FGF9: variants seen among roughly 807,000 people sequenced by gnomAD.
The protein encoded by FGF9 is fibroblast growth factor 9 (glia-activating factor).
Under a neutral mutation model 19.9 loss-of-function variants are expected in FGF9, and 3 were observed. The ratio of observed to expected loss-of-function variants is 0.15; its 90% confidence interval spans 0.07 to 0.39. The LOEUF is 0.39. Ranked by LOEUF, FGF9 falls within the 10% of genes least tolerant of loss-of-function variation. The pLI is 1.00. For missense variants in FGF9, 175 were observed against 256.8 expected, an observed-to-expected ratio of 0.68 and a Z score of 2.18; for synonymous variants, 107 against 106.9, an observed-to-expected ratio of 1.00 and a Z score of -0.01.
In FGF9 at chr13:21,703,680, G is replaced by T. The variant is rs978419804; in HGVS notation, c.*2245G>T. 3.3e-5 allele frequency: 5 copies of T among 151,922 alleles called. No individual in the cohort carries two copies. Among genetic ancestry groups the T allele is most frequent in the African/African-American group, 1.2e-4 (5 of 41,360 alleles). 9.4% of individuals were successfully genotyped at this position (151,922 alleles called of 1,614,324 possible). On this transcript the variant is annotated 3_prime_UTR_variant, in exon 3 of 3. Transcript: ENST00000382353. ...ATATTAAACATTTGACCACAGGGAA[G>T]AATCAAGTTTCTAGGATGTCATAGG...
At position 21,671,683 on chromosome 13, in the gene FGF9, A is replaced by G. The variant is rs1871770082; in HGVS notation, c.-230A>G. 1.6e-6 allele frequency: 1 copy of G among 613,666 alleles called. No individual in the cohort carries two copies. The highest frequency in any genetic ancestry group is 2.9e-6 in the Non-Finnish European group (1 of 346,922). The allele number at this position is 613,666 out of a possible 1,614,324, so 38.0% of individuals were successfully genotyped here. A position where few individuals can be genotyped will look rare whatever the true frequency, so the allele number is the denominator to read the frequency against. Reference sequence around the variant, plus strand: ...TTTATCAATATGTCAGTGTGTGAGTATAAAGTGGTGGTTTCTTAGACTATC... The same window carrying G: ...TTTATCAATATGTCAGTGTGTGAGTGTAAAGTGGTGGTTTCTTAGACTATC... On this transcript the variant is annotated 5_prime_UTR_variant, in exon 1 of 3. Transcript: ENST00000382353.
intron 2 of FGF9, 124 bp downstream of exon 2, chr13:21,681,269 T>C (rs1028726490): frequency 2.5e-5 from 19 of 751,118 alleles, no homozygotes; most frequent in Non-Finnish European, 4.1e-5. Flanking sequence ...TGTAAGTTTT[T>C]ACTTTTTGAG....
intron 1 of FGF9, among the ~76,000 whole-genome samples, chr13:21,679,680 T>C (rs1871993686): frequency 6.6e-6 from 1 of 151,092 alleles, no homozygotes; most frequent in African/African-American, 2.4e-5. Flanking sequence ...AGCTCACGCC[T>C]GTAATCCCAG....
At chr13:21,685,392 G>C (rs1002485211) in intron 2 of FGF9, among the ~76,000 whole-genome samples, 6 of 152,156 alleles carry the variant, frequency 3.9e-5, no homozygotes, top group African/African-American at 1.4e-4. Context: ...TTTACCTTGA[G>C]AGTAGATCTA....
intron 2 of FGF9, among the ~76,000 whole-genome samples, chr13:21,689,529 T>C (rs1399646681): frequency 6.6e-6 from 1 of 152,148 alleles, no homozygotes; most frequent in Non-Finnish European, 1.5e-5. Flanking sequence ...ATTTGAGAGC[T>C]GGAGGAGTTG....
chr13:21,683,448 G>T (rs1872088610), intron 2 of FGF9, among the ~76,000 whole-genome samples: 1 of 152,182 alleles, frequency 6.6e-6, no homozygotes, highest in African/African-American at 2.4e-5. Flanking sequence ...TTTCTGGGAA[G>T]CCCAGCTGTC....
At chr13:21,673,806 C>T (rs557577402) in intron 1 of FGF9, among the ~76,000 whole-genome samples, 1 of 151,026 alleles carries the variant, frequency 6.6e-6, no homozygotes, top group Admixed American at 6.6e-5. Context: ...GTGTGCCAGG[C>T]GGCCGGAGCT....
chr13:21,671,631 A>T lies in FGF9; in HGVS notation c.-282A>T, dbSNP rs1345209515. The T allele has an allele frequency of 7.1e-6, 4 of 560,260 alleles. No homozygotes were observed. In the East Asian group the frequency reaches 1.1e-4, roughly 16 times the overall value. The allele number at this position is 560,260 out of a possible 1,614,324, so 34.7% of individuals were successfully genotyped here. On this transcript the variant is annotated 5_prime_UTR_variant, in exon 1 of 3. Transcript: ENST00000382353. ...CCTTCCTGCCTGCTAAGAGCTGGGG[A>T]TCTATCTATAGAGATACATAGATAT...
intron 2 of FGF9, among the ~76,000 whole-genome samples, chr13:21,697,830 G>A (rs1008819995): frequency 1.4e-4 from 20 of 146,312 alleles, no homozygotes; most frequent in African/African-American, 4.4e-4. Flanking sequence ...TTTTTGAGAC[G>A]GAGTCTCTCT....
chr13:21,685,178 A>G (rs1479587604), intron 2 of FGF9, among the ~76,000 whole-genome samples: 1 of 152,282 alleles, frequency 6.6e-6, no homozygotes, highest in Non-Finnish European at 1.5e-5. Context: ...CATGAAGCTC[A>G]GTAAACTAAA....
In FGF9 at chr13:21,701,283, G is replaced by A. The variant is rs1249806783; in HGVS notation, c.475G>A (p.Gly159Arg). ...SSNLYKHVDT[G>R]RRYYVALNKD... ...AAACCTATATAAGCACGTGGACACT[G>A]GAAGGCGATACTATGTTGCATTAAA... is the stretch of plus-strand genomic sequence containing the variant. Residue 159 changes from glycine (G) to arginine (R), a missense_variant, in exon 3 of 3, where the codon GGA becomes AGA. Physicochemically the swap from Gly to Arg is moderately radical, Grantham distance 125. Coordinates refer to ENST00000382353, the MANE Select transcript of FGF9 (RefSeq NM_002010.3). 6.2e-7 allele frequency: 1 copy of A among 1,614,032 alleles called. No individual in the cohort carries two copies. Among genetic ancestry groups the A allele is most frequent in the Non-Finnish European group, 8.5e-7 (1 of 1,179,978 alleles).
At chr13:21,686,003 G>A (rs759353076) in intron 2 of FGF9, among the ~76,000 whole-genome samples, 2 of 152,136 alleles carry the variant, frequency 1.3e-5, no homozygotes, top group Non-Finnish European at 2.9e-5. Context: ...TAGAGGCATG[G>A]CTCTGATAAT....
rs1871764170 is a variant in FGF9 at position 21,671,440 on chromosome 13, G to T, written c.-473G>T. 4.7e-6 allele frequency: 2 copies of T among 421,882 alleles called. No individual in the cohort carries two copies. The highest frequency in any genetic ancestry group is 8.3e-6 in the Non-Finnish European group (2 of 240,084). The allele number at this position is 421,882 out of a possible 1,614,324, so 26.1% of individuals were successfully genotyped here. ...GAGTCGGTTAGAGAGTAAAAACAGC[G>T]CATGCCTTCCTGGAGTCAGGATCCG... is the stretch of plus-strand genomic sequence containing the variant. On this transcript the variant is annotated 5_prime_UTR_variant, in exon 1 of 3. Transcript: ENST00000382353.
chr13:21,695,618 A>C (rs1023558572), intron 2 of FGF9, among the ~76,000 whole-genome samples: 2 of 152,186 alleles, frequency 1.3e-5, no homozygotes, highest in Non-Finnish European at 2.9e-5. Flanking sequence ...TCCTTTAGTC[A>C]TTATATTTAA....
At chr13:21,694,024 T>G (rs1327733159) in intron 2 of FGF9, among the ~76,000 whole-genome samples, 3 of 152,182 alleles carry the variant, frequency 2.0e-5, no homozygotes, top group African/African-American at 7.2e-5. Flanking sequence ...TGTGGATAAC[T>G]TTGCTTTCCA....
Position 21,698,050 on chromosome 13 carries a change from C to T in FGF9, c.382-3140C>T, listed in dbSNP as rs376116252. 7.5e-4 allele frequency among the ~76,000 whole-genome samples: 114 copies of T among 152,212 alleles called. No individual in the cohort carries two copies. In the East Asian group the frequency reaches 0.02, roughly 26 times the overall value. ...GTCTCGATCTCCTGACCTCGTGATCCGCCCGCCTCGGCCTCCCAAAGTGCT... is the reference window on the plus strand; with the variant it reads ...GTCTCGATCTCCTGACCTCGTGATCTGCCCGCCTCGGCCTCCCAAAGTGCT... On this transcript the variant is annotated intron_variant, in intron 2 of 2. Coordinates refer to ENST00000382353, the MANE Select transcript of FGF9 (RefSeq NM_002010.3).
At chr13:21,693,958 C>T (rs1415535699) in intron 2 of FGF9, among the ~76,000 whole-genome samples, 1 of 152,188 alleles carries the variant, frequency 6.6e-6, no homozygotes. Context: ...CCCTGTTTTC[C>T]AACTGCACTG....
At position 21,672,723 on chromosome 13, in the gene FGF9, G is replaced by A. The variant is rs1051645484; in HGVS notation, c.277+534G>A. Among the ~76,000 whole-genome samples, 4 of 152,214 alleles carry A rather than the reference G, an allele frequency of 2.6e-5. No homozygotes were observed. Among genetic ancestry groups the A allele is most frequent in the Non-Finnish European group, 5.9e-5 (4 of 68,046 alleles). On this transcript the variant is annotated intron_variant, in intron 1 of 2. Coordinates refer to ENST00000382353, the MANE Select transcript of FGF9 (RefSeq NM_002010.3). The surrounding 1 kb of genome is among the most constrained non-coding windows in gnomAD (Gnocchi z 4.2). ...AGCCCCATAGGCGAAGGTTGCTGAC[G>A]GATTGTCCTGTTGGGAGGACTAAAG...
chr13:21,687,141 G>C (rs964340660), intron 2 of FGF9, among the ~76,000 whole-genome samples: 2 of 152,212 alleles, frequency 1.3e-5, no homozygotes, highest in African/African-American at 4.8e-5. Flanking sequence ...CCAAAGCACA[G>C]AAAGTTTCCT....
Sources: allele counts gnomAD v4.1 joint callset (sites outside exome capture counted in the v4.1 genomes callset), GRCh38; gene constraint gnomAD v4.1.1; non-coding constraint Gnocchi (gnomAD v3.1); transcripts MANE v1.5; gene names NCBI Gene and HGNC (gene_info 2026-07-23, HGNC 2026-07-21).